WWOX: variants seen among roughly 807,000 people sequenced by gnomAD.
WWOX encodes WW domain containing oxidoreductase.
In WWOX, 69 loss-of-function variants were observed where a neutral mutation model predicts 46.2. The ratio of observed to expected loss-of-function variants is 1.49; its 90% CI spans 1.23 to 1.82. WWOX has a LOEUF of 1.82. Among genes scored for constraint, WWOX ranks in the 40% most tolerant of loss-of-function variants. The pLI is 0.00. For missense variants in WWOX, 919 were observed against 542.6 expected (o/e 1.69, Z -6.89); for synonymous variants, 359 against 202.6 (o/e 1.77, Z -6.56).
chr16:78,283,288 C>T (rs2079711842), intron 5 of WWOX, among the ~76,000 whole-genome samples: 1 of 152,112 alleles, frequency 6.6e-6, no homozygotes. Context: ...GCTGTGAGGG[C>T]CAGCACTGTA....
chr16:79,067,565 A>T lies in WWOX; in HGVS notation c.1057-144043A>T, dbSNP rs866509556. On this transcript the variant is annotated intron_variant, in intron 8 of 8. Transcript: ENST00000566780. ...TTCCCTGACCACTGCCACATGGAATAGTACTAATACTTCATGCTCATCCTC... is the reference window on the plus strand; with the variant it reads ...TTCCCTGACCACTGCCACATGGAATTGTACTAATACTTCATGCTCATCCTC... 1.2e-4 allele frequency among the ~76,000 whole-genome samples: 16 copies of T among 129,632 alleles called. No homozygotes were observed. In the South Asian group the frequency reaches 3.6e-3, roughly 30 times the overall value. 85.0% of individuals were successfully genotyped at this position (129,632 alleles called of 152,430 possible). A position where few individuals can be genotyped will look rare whatever the true frequency, so the allele number is the denominator to read the frequency against.
At chr16:78,926,272 C>T (rs12599836) in intron 8 of WWOX, among the ~76,000 whole-genome samples, 56 of 151,702 alleles carry the variant, frequency 3.7e-4, no homozygotes, top group Middle Eastern at 6.8e-3. Context: ...ACCTGGGAGG[C>T]TAAAGTGGGA....
At chr16:79,079,559 G>A (rs548722250) in intron 8 of WWOX, among the ~76,000 whole-genome samples, 2 of 152,076 alleles carry the variant, frequency 1.3e-5, no homozygotes. Flanking sequence ...CTAGTCACCT[G>A]GTGCTTTAAT....
intron 8 of WWOX, among the ~76,000 whole-genome samples, chr16:79,139,917 G>A (rs200531546): frequency 6.6e-6 from 1 of 152,334 alleles, no homozygotes; most frequent in Middle Eastern, 3.4e-3. Flanking sequence ...AAGAAGCAAA[G>A]TTGTAATTCT....
At chr16:78,407,125 C>T (rs1032618986) in intron 6 of WWOX, among the ~76,000 whole-genome samples, 1 of 152,154 alleles carries the variant, frequency 6.6e-6, no homozygotes, top group South Asian at 2.1e-4. Flanking sequence ...GAAACCAGCT[C>T]TAGCTATTTA....
chr16:78,671,957 G>C (rs980026996), intron 8 of WWOX, among the ~76,000 whole-genome samples: 1 of 152,100 alleles, frequency 6.6e-6, no homozygotes, highest in African/African-American at 2.4e-5. Flanking sequence ...CAACTGGGTA[G>C]TGGAAAAAAT....
At chr16:78,857,221 T>G (rs2052587570) in intron 8 of WWOX, among the ~76,000 whole-genome samples, 3 of 152,106 alleles carry the variant, frequency 2.0e-5, no homozygotes, top group Non-Finnish European at 4.4e-5. Flanking sequence ...GCAAAGATAA[T>G]GAACAAGAAA....
At chr16:79,139,558 G>A (rs993552761) in intron 8 of WWOX, among the ~76,000 whole-genome samples, 5 of 152,178 alleles carry the variant, frequency 3.3e-5, no homozygotes, top group African/African-American at 1.2e-4. Flanking sequence ...GAATCGAGCT[G>A]TGGAAGTCAC....
intron 8 of WWOX, among the ~76,000 whole-genome samples, chr16:78,955,946 C>T (rs1303855839): frequency 6.6e-5 from 10 of 151,820 alleles, no homozygotes; most frequent in Non-Finnish European, 1.2e-4. Flanking sequence ...CCATGCCTGG[C>T]CTCTGGCCTT....
At chr16:78,138,688 C>G (rs1176162220) in intron 4 of WWOX, among the ~76,000 whole-genome samples, 3 of 152,172 alleles carry the variant, frequency 2.0e-5, no homozygotes, top group Admixed American at 1.3e-4. Context: ...GAGAAGTCAC[C>G]AGGCATCTGC....
In WWOX at chr16:78,941,678, C is replaced by A. The variant is rs76466194; in HGVS notation, c.1057-269930C>A. 3.6e-3 allele frequency among the ~76,000 whole-genome samples: 545 copies of A among 152,210 alleles called. 6 individuals are homozygous for A. The highest frequency in any genetic ancestry group is 0.012 in the African/African-American group (511 of 41,532). ...CCTGCAGTACATTGTATTTGCATCC[C>A]CCCTACTCACAGGAAAGAAGAAATT... On this transcript the variant is annotated intron_variant, in intron 8 of 8. Transcript: ENST00000566780.
intron 5 of WWOX, among the ~76,000 whole-genome samples, chr16:78,313,820 C>G (rs550226062): frequency 6.6e-6 from 1 of 152,264 alleles, no homozygotes; most frequent in Non-Finnish European, 1.5e-5. Context: ...AGCCTTTGAT[C>G]CTTCCTGTTT....
In WWOX at chr16:79,195,113, G is replaced by A. The variant is rs12446799; in HGVS notation, c.1057-16495G>A. On this transcript the variant is annotated intron_variant, in intron 8 of 8. Coordinates refer to ENST00000566780, the MANE Select transcript of WWOX (RefSeq NM_016373.4). ...ATACCCGTATCTCAGATTTACAGAGGAGAAAACAGAGGCTCAGACTGGTTA... is the reference window on the plus strand; with the variant it reads ...ATACCCGTATCTCAGATTTACAGAGAAGAAAACAGAGGCTCAGACTGGTTA... Among the ~76,000 whole-genome samples the A allele has an allele frequency of 2.9e-3, 441 of 152,216 alleles. 2 individuals carry two copies. The highest frequency in any genetic ancestry group is 0.023 in the Admixed American group (348 of 15,286).
intron 8 of WWOX, among the ~76,000 whole-genome samples, chr16:78,923,912 G>A (rs2045438885): frequency 6.8e-6 from 1 of 146,844 alleles, no homozygotes; most frequent in African/African-American, 2.5e-5. Context: ...CCATTCTCCT[G>A]CCTCAGCCTC....
rs1465629372 is a variant in WWOX, at chr16:78,338,145, A to G, written c.517-48715A>G. 4.2e-5 allele frequency among the ~76,000 whole-genome samples: 5 copies of G among 119,432 alleles called. 1 individual carries two copies. The highest frequency in any genetic ancestry group is 1.2e-4 in the African/African-American group (4 of 34,770). 78.4% of individuals were successfully genotyped at this position (119,432 alleles called of 152,430 possible). A position where few individuals can be genotyped will look rare whatever the true frequency, so the allele number is the denominator to read the frequency against. ...GCTTTCACATGGTGTACCCAGTACT[A>G]TTAATATGAATTTATCACATGGAAA... On this transcript the variant is annotated intron_variant, in intron 5 of 8. Transcript: ENST00000566780.
At chr16:78,321,503 G>A (rs528096225) in intron 5 of WWOX, among the ~76,000 whole-genome samples, 1 of 151,552 alleles carries the variant, frequency 6.6e-6, no homozygotes, top group Non-Finnish European at 1.5e-5. Context: ...GAAACTTGGA[G>A]TGGATTCGTA....
chr16:79,057,766 A>T (rs998188410), intron 8 of WWOX, among the ~76,000 whole-genome samples: 2 of 152,244 alleles, frequency 1.3e-5, no homozygotes, highest in East Asian at 3.9e-4. Context: ...AGAATTTAGA[A>T]AGACCCGGAC....
At chr16:78,160,220 T>G (rs2034747424) in intron 4 of WWOX, among the ~76,000 whole-genome samples, 1 of 152,092 alleles carries the variant, frequency 6.6e-6, no homozygotes, top group South Asian at 2.1e-4. Context: ...TCTCACTCTG[T>G]CACCCAGGCT....
At chr16:79,164,530 G>C (rs749890704) in intron 8 of WWOX, among the ~76,000 whole-genome samples, 11 of 152,156 alleles carry the variant, frequency 7.2e-5, no homozygotes, top group East Asian at 1.9e-4. Flanking sequence ...GCTGTTATCA[G>C]GACCTTCTAT....
Sources: allele counts gnomAD v4.1 joint callset (sites outside exome capture counted in the v4.1 genomes callset), GRCh38; gene constraint gnomAD v4.1.1; transcripts MANE v1.5; gene names NCBI Gene and HGNC (gene_info 2026-07-23, HGNC 2026-07-21).